RAB11FIP3: variants seen among roughly 807,000 people sequenced by gnomAD.
RAB11FIP3 encodes the protein rab11 family-interacting protein 3.
RAB11FIP3 carries 17 observed loss-of-function variants against 77.8 expected under a neutral mutation model. The ratio of observed to expected loss-of-function variants is 0.22; its 90% CI spans 0.15 to 0.33. The LOEUF (loss-of-function observed/expected upper bound fraction) is 0.33. Among genes scored for constraint, RAB11FIP3 ranks in the 10% least tolerant of loss-of-function variants. The probability of loss-of-function intolerance (pLI) is 1.00; values close to 1 mark genes in which losing one functional copy is unlikely to be tolerated. For synonymous variants in RAB11FIP3, 437 were observed against 448.2 expected, an observed-to-expected ratio of 0.98 and a Z score of 0.31; for missense variants, 1,005 against 1,011.2, an observed-to-expected ratio of 0.99 and a Z score of 0.08.
At position 491,059 on chromosome 16, in the gene RAB11FIP3, C is replaced by T. The variant is rs547665848; in HGVS notation, c.1265+2059C>T. On this transcript the variant is annotated intron_variant, in intron 5 of 13. Transcript: ENST00000262305. ...ACACCATGTCCTGTCCTGTTCCCCT[C>T]GGCCCCTCGTGCGGAGTCACAGATG... is the stretch of plus-strand genomic sequence containing the variant. 238 of 1,213,736 alleles carry T rather than the reference C, an allele frequency of 2.0e-4. 2 individuals carry two copies. The highest frequency in any genetic ancestry group is 1.9e-3 in the African/African-American group (122 of 64,034). 75.2% of individuals were successfully genotyped at this position (1,213,736 alleles called of 1,614,324 possible).
chr16:471,337 A>C lies in RAB11FIP3; in HGVS notation c.851A>C (p.Asp284Ala), dbSNP rs1483774843. The C allele has an allele frequency of 6.2e-7, 1 of 1,613,972 alleles. No homozygotes were observed. Among genetic ancestry groups the C allele is most frequent in the East Asian group, 2.2e-5 (1 of 44,874 alleles). Residue 284 changes from aspartate (D) to alanine (A), a missense_variant, in exon 3 of 14, where the codon GAT becomes GCT. Asp to Ala is a moderately radical substitution (Grantham distance 126). Coordinates refer to ENST00000262305, the MANE Select transcript of RAB11FIP3 (RefSeq NM_014700.4). This position sits in a 1 kb window ranked among gnomAD's most constrained non-coding sequence, Gnocchi z 4.4. ...TACGGTGGTGTCGCTTCTGCCCAAGATGAGGAGCCCCTGGCCTGCCCGGAC... is the reference window on the plus strand; with the variant it reads ...TACGGTGGTGTCGCTTCTGCCCAAGCTGAGGAGCCCCTGGCCTGCCCGGAC... ...QCYGGVASAQ[D>A]EEPLACPDEF...
At chr16:508,396 C>T (rs2031976993) in intron 8 of RAB11FIP3, among the ~76,000 whole-genome samples, 1 of 152,156 alleles carries the variant, frequency 6.6e-6, no homozygotes, top group Non-Finnish European at 1.5e-5. Flanking sequence ...TTTTTTGAGA[C>T]AGAGCCTTGC....
Position 521,810 on chromosome 16 carries a change from G to A in RAB11FIP3, c.*971G>A, listed in dbSNP as rs1225574060. ...TCGGGAACCCTGTTTTCTTCTGGGT[G>A]TGTCTCACTTAGAAATCGTGGTTCT... On this transcript the variant is annotated 3_prime_UTR_variant, in exon 14 of 14. Coordinates refer to ENST00000262305, the MANE Select transcript of RAB11FIP3 (RefSeq NM_014700.4). 6.6e-6 allele frequency: 1 copy of A among 152,322 alleles called. No homozygotes were observed. The highest frequency in any genetic ancestry group is 1.5e-5 in the Non-Finnish European group (1 of 68,092). 9.4% of individuals were successfully genotyped at this position (152,322 alleles called of 1,614,324 possible).
intron 3 of RAB11FIP3, chr16:477,683 T>C (rs1462958904): frequency 2.0e-6 from 2 of 985,186 alleles, no homozygotes; most frequent in Non-Finnish European, 2.4e-6. Flanking sequence ...CTGGGGTTTC[T>C]TACAGTGCTC....
At chr16:489,072 T>G in intron 5 of RAB11FIP3, 72 bp downstream of exon 5, 5 of 1,496,244 alleles carry the variant, frequency 3.3e-6, no homozygotes, top group Non-Finnish European at 4.4e-6. Context: ...GTTTCCCTTT[T>G]TGGTTCGTGC....
intron 6 of RAB11FIP3, chr16:502,780 G>A (rs991757168): frequency 4.2e-5 from 24 of 571,826 alleles, no homozygotes; most frequent in Non-Finnish European, 6.1e-5. Context: ...AGACCACAGA[G>A]CACGGCCTGC....
chr16:471,279 G>A lies in RAB11FIP3; in HGVS notation c.809-16G>A. On this transcript the variant is annotated splice_polypyrimidine_tract_variant and intron_variant, in intron 2 of 13. Coordinates refer to ENST00000262305, the MANE Select transcript of RAB11FIP3 (RefSeq NM_014700.4). The surrounding 1 kb of genome is among the most constrained non-coding windows in gnomAD (Gnocchi z 4.4). ...GCTATGGGTGGCCTGTTGAGCACGA[G>A]GTCTTCTCCCTGCAGATCCTGATGG... The A allele has an allele frequency of 6.2e-7, 1 of 1,609,080 alleles. No individual in the cohort carries two copies. The highest frequency in any genetic ancestry group is 1.1e-5 in the South Asian group (1 of 90,886).
intron 12 of RAB11FIP3, 73 bp downstream of exon 12, chr16:520,350 C>T: frequency 8.9e-6 from 14 of 1,572,726 alleles, no homozygotes; most frequent in African/African-American, 1.3e-5. Context: ...AAGGGGGGGC[C>T]GTGGAGGGTC....
intron 1 of RAB11FIP3, among the ~76,000 whole-genome samples, chr16:451,221 A>G (rs913448184): frequency 2.6e-4 from 39 of 152,062 alleles, no homozygotes; most frequent in African/African-American, 9.4e-4. Context: ...GTTAACAGAA[A>G]TAGTACAGAG....
chr16:491,173 T>G, intron 5 of RAB11FIP3: 1 of 1,304,246 alleles, frequency 7.7e-7, no homozygotes, highest in South Asian at 1.2e-5. Flanking sequence ...GCATCCTCAC[T>G]GATGAGGCGT....
chr16:475,225 G>A (rs1010114729), intron 3 of RAB11FIP3: 3 of 1,134,088 alleles, frequency 2.6e-6, no homozygotes, highest in South Asian at 2.8e-5. Context: ...GGCCCTGAAC[G>A]GGCTTTTTCT....
intron 1 of RAB11FIP3, among the ~76,000 whole-genome samples, chr16:428,225 T>C (rs556894535): frequency 2.6e-5 from 4 of 152,276 alleles, no homozygotes; most frequent in Admixed American, 1.3e-4. Context: ...GCTCGCAAGC[T>C]TAGCTCCGGT....
chr16:510,390 C>T (rs1307528987), intron 8 of RAB11FIP3: 3 of 420,678 alleles, frequency 7.1e-6, no homozygotes, highest in Non-Finnish European at 1.3e-5. Flanking sequence ...AGGCCACAAG[C>T]GGGCAGTGCC....
intron 1 of RAB11FIP3, among the ~76,000 whole-genome samples, chr16:451,849 GA>G (rs964136764): frequency 6.8e-6 from 1 of 147,928 alleles, no homozygotes; most frequent in Non-Finnish European, 1.5e-5. Context: ...ACAAACAAAG[GA>G]AAAAAACAAA....
Position 486,252 on chromosome 16 carries a change from G to T in RAB11FIP3, c.1116-2599G>T, listed in dbSNP as rs191575317. Among the ~76,000 whole-genome samples the T allele has an allele frequency of 9.0e-4, 137 of 152,262 alleles. 1 individual carries two copies. Among genetic ancestry groups the T allele is most frequent in the East Asian group, 6.6e-3 (34 of 5,178 alleles). On this transcript the variant is annotated intron_variant, in intron 4 of 13. Coordinates refer to ENST00000262305, the MANE Select transcript of RAB11FIP3 (RefSeq NM_014700.4). ...GGCATGCCTGTAATTCCAGCCCTTT[G>T]GGGGGCCGAGGCAGGTGGATCATGA...
chr16:482,496 C>T, intron 3 of RAB11FIP3, 29 bp from the exon 4 acceptor site: 2 of 1,608,204 alleles, frequency 1.2e-6, no homozygotes, highest in East Asian at 2.2e-5. Context: ...CAGCTTGTGC[C>T]CGCTGACTGC....
chr16:503,694 A>G (rs2031656311), intron 7 of RAB11FIP3, among the ~76,000 whole-genome samples: 1 of 152,062 alleles, frequency 6.6e-6, no homozygotes, highest in South Asian at 2.1e-4. Context: ...AGCCTGGCCA[A>G]CATAGTGAAA....
Position 503,117 on chromosome 16 carries a change from G to A in RAB11FIP3, c.1395+20G>A. The A allele has an allele frequency of 6.3e-7, 1 of 1,580,574 alleles. No individual in the cohort carries two copies. The highest frequency in any genetic ancestry group is 8.7e-7 in the Non-Finnish European group (1 of 1,153,664). The stretch of plus-strand genomic sequence containing the variant: ...GACAAGGTAGGCCCTGGAGGGCTGG[G>A]TAGGTGGCAAGTAGGGGATTTAGAA... On this transcript the variant is annotated intron_variant, in intron 7 of 13. Coordinates refer to ENST00000262305, the MANE Select transcript of RAB11FIP3 (RefSeq NM_014700.4).
intron 3 of RAB11FIP3, among the ~76,000 whole-genome samples, chr16:474,349 C>T (rs965977646): frequency 4.6e-5 from 7 of 152,152 alleles, no homozygotes; most frequent in African/African-American, 1.7e-4. Flanking sequence ...TTAGTCATGG[C>T]CGAGCTAGTG....
Sources: gnomAD v4.1 joint callset for allele counts (sites outside exome capture counted in the v4.1 genomes callset) on GRCh38, gnomAD v4.1.1 for gene constraint, Gnocchi (gnomAD v3.1) non-coding constraint, MANE v1.5 for transcripts, NCBI Gene and HGNC (gene_info 2026-07-23, HGNC 2026-07-21) for gene names.